Variants in CTNNA3 observed in about 807,000 individuals in gnomAD.
CTNNA3 encodes catenin alpha 3, also known as catenin alpha-3.
In CTNNA3, 76 loss-of-function variants were observed where a neutral mutation model predicts 95.7. The ratio of observed to expected loss-of-function variants is 0.79; its 90% confidence interval spans 0.66 to 0.96. CTNNA3 has a LOEUF of 0.96. CTNNA3 is among the 40% of genes least tolerant of loss of function. CTNNA3 has a pLI of 0.00. For missense variants in CTNNA3, 1,191 were observed against 1,089.8 expected (o/e 1.09, Z -1.31); for synonymous variants, 431 against 374.4 (o/e 1.15, Z -1.74).
chr10:66,477,364 A>G (rs1464459928), intron 11 of CTNNA3, among the ~76,000 whole-genome samples: 1 of 152,102 alleles, frequency 6.6e-6, no homozygotes, highest in African/African-American at 2.4e-5. Flanking sequence ...TGTATCTATC[A>G]TGCAAAAATT....
intron 1 of CTNNA3, among the ~76,000 whole-genome samples, chr10:67,727,564 T>A (rs1485738177): frequency 7.7e-6 from 1 of 129,324 alleles, no homozygotes; most frequent in Non-Finnish European, 1.6e-5. Flanking sequence ...ATATAATATA[T>A]AATATGTAGC....
intron 15 of CTNNA3, among the ~76,000 whole-genome samples, chr10:65,999,608 C>T (rs150643420): frequency 1.6e-4 from 24 of 152,278 alleles, no homozygotes; most frequent in South Asian, 6.2e-4. Context: ...ACAAAATACA[C>T]ATTTTACAAA....
chr10:67,210,809 T>C (rs1339089930), intron 6 of CTNNA3, among the ~76,000 whole-genome samples: 1 of 152,168 alleles, frequency 6.6e-6, no homozygotes, highest in Non-Finnish European at 1.5e-5. Flanking sequence ...TTTCAATCAG[T>C]AGTCAGTGTG....
At chr10:66,648,817 T>C (rs562117811) in intron 9 of CTNNA3, among the ~76,000 whole-genome samples, 3 of 152,120 alleles carry the variant, frequency 2.0e-5, no homozygotes, top group Admixed American at 6.5e-5. Context: ...TTTGGGTATA[T>C]ATATTACATA....
At chr10:66,361,602 A>G (rs1589141246) in intron 12 of CTNNA3, among the ~76,000 whole-genome samples, 1 of 149,270 alleles carries the variant, frequency 6.7e-6, no homozygotes, top group African/African-American at 2.5e-5. Context: ...GAGTGGCACA[A>G]TCTTGGCTCA....
At chr10:67,290,069 G>A (rs1333986012) in intron 5 of CTNNA3, among the ~76,000 whole-genome samples, 1 of 151,978 alleles carries the variant, frequency 6.6e-6, no homozygotes, top group Non-Finnish European at 1.5e-5. Flanking sequence ...GCCTCCCAAA[G>A]TACTGGGATT....
chr10:67,514,845 A>G (rs1449138258), intron 5 of CTNNA3, among the ~76,000 whole-genome samples: 1 of 151,624 alleles, frequency 6.6e-6, no homozygotes, highest in Admixed American at 6.6e-5. Context: ...GCTGCCCACA[A>G]CGCAAACTAC....
chr10:66,538,694 G>A lies in CTNNA3; in HGVS notation c.1375-17921C>T, dbSNP rs547123116. On this transcript the variant is annotated intron_variant, in intron 10 of 17. Transcript: ENST00000433211. ...TAGATAGACTAACCATTGAAAGCAT[G>A]AGAAAAACTGCTGATTTTAAGTAGT... Among the ~76,000 whole-genome samples, 5 of 152,262 alleles carry A rather than the reference G, an allele frequency of 3.3e-5. No homozygotes were observed. The East Asian group carries it at 9.7e-4, about 29-fold the overall frequency.
In CTNNA3 at chr10:67,542,710, T is replaced by G. The variant is rs527458685; in HGVS notation, c.293-3041A>C. On this transcript the variant is annotated intron_variant, in intron 3 of 17. Coordinates refer to ENST00000433211, the MANE Select transcript of CTNNA3 (RefSeq NM_013266.4). ...AGAGACACAGAGGAGGATCTACCTC[T>G]GCCTGAGGTGTCAGAAGATATACAA... Among the ~76,000 whole-genome samples the G allele has an allele frequency of 2.6e-5, 4 of 152,198 alleles. No homozygotes were observed. In the South Asian group the frequency reaches 8.3e-4, roughly 32 times the overall value.
chr10:66,061,987 T>G (rs997663202), intron 15 of CTNNA3, among the ~76,000 whole-genome samples: 1 of 152,124 alleles, frequency 6.6e-6, no homozygotes, highest in African/African-American at 2.4e-5. Flanking sequence ...GGTAAAGTCT[T>G]GTTGTACAAT....
At chr10:66,967,762 ATC>A (rs1433685959) in intron 7 of CTNNA3, among the ~76,000 whole-genome samples, 1 of 152,116 alleles carries the variant, frequency 6.6e-6, no homozygotes, top group Non-Finnish European at 1.5e-5. Flanking sequence ...GAGAAAAATA[ATC>A]TGTTTAGTAG....
At chr10:66,128,283 G>A (rs770056872) in intron 13 of CTNNA3, among the ~76,000 whole-genome samples, 11 of 152,020 alleles carry the variant, frequency 7.2e-5, no homozygotes, top group Non-Finnish European at 1.5e-5. Flanking sequence ...TGGAAAAAAT[G>A]AGCTAAATTT....
intron 7 of CTNNA3, among the ~76,000 whole-genome samples, chr10:66,948,669 A>G (rs892365157): frequency 4.6e-5 from 7 of 152,214 alleles, no homozygotes; most frequent in African/African-American, 1.4e-4. Context: ...GGGGTGTTCT[A>G]TCCTGGACTG....
intron 13 of CTNNA3, among the ~76,000 whole-genome samples, chr10:66,125,118 T>C (rs1227061793): frequency 6.6e-6 from 1 of 152,162 alleles, no homozygotes; most frequent in Non-Finnish European, 1.5e-5. Flanking sequence ...TTAAAAGAAG[T>C]TCTTCAGTGA....
intron 7 of CTNNA3, among the ~76,000 whole-genome samples, chr10:66,898,501 AACAG>A (rs1183478183): frequency 5.9e-5 from 9 of 152,138 alleles, no homozygotes; most frequent in Non-Finnish European, 1.2e-4. Flanking sequence ...ACAAACAAAA[AACAG>A]ACAGACCAAT....
intron 15 of CTNNA3, among the ~76,000 whole-genome samples, chr10:66,018,088 G>C (rs1283102344): frequency 6.6e-6 from 1 of 151,518 alleles, no homozygotes; most frequent in Non-Finnish European, 1.5e-5. Context: ...TGACATGATC[G>C]AATCTCTGTC....
intron 7 of CTNNA3, among the ~76,000 whole-genome samples, chr10:66,995,467 T>C (rs1053970699): frequency 6.6e-6 from 1 of 152,196 alleles, no homozygotes; most frequent in African/African-American, 2.4e-5. Flanking sequence ...TAATCCATTC[T>C]CCAAACATTC....
chr10:66,697,866 G>A lies in CTNNA3; in HGVS notation c.1281+68398C>T, dbSNP rs980762149. Among the ~76,000 whole-genome samples the A allele has an allele frequency of 4.6e-5, 7 of 152,156 alleles. No homozygotes were observed. In the East Asian group the frequency reaches 5.8e-4, roughly 13 times the overall value. On this transcript the variant is annotated intron_variant, in intron 9 of 17. Transcript: ENST00000433211. The stretch of plus-strand genomic sequence containing the variant: ...TAGCATATTATCTTTGGTTCCAATC[G>A]CCTCATAAGCATTGCTACACTGACT...
At chr10:66,926,675 T>C (rs1847093045) in intron 7 of CTNNA3, 2 of 1,442,824 alleles carry the variant, frequency 1.4e-6, no homozygotes, top group Non-Finnish European at 1.9e-6. Flanking sequence ...TTAATTATTT[T>C]AGAGATTACC....
Sources: allele counts gnomAD v4.1 joint callset (sites outside exome capture counted in the v4.1 genomes callset), GRCh38; gene constraint gnomAD v4.1.1; transcripts MANE v1.5; gene names NCBI Gene and HGNC (gene_info 2026-07-23, HGNC 2026-07-21).